The following POMGNT1 variants were observed in gnomAD, a reference collection of about 807,000 sequenced individuals.
The protein encoded by POMGNT1 is protein O-linked mannose N-acetylglucosaminyltransferase 1 (beta 1,2-).
POMGNT1 carries 67 observed loss-of-function variants against 95.6 expected under a neutral mutation model. The ratio of observed to expected loss-of-function variants is 0.70; its 90% CI spans 0.58 to 0.86. The LOEUF is 0.86. POMGNT1 is among the 40% of genes least tolerant of loss of function. The pLI is 0.00. For missense variants in POMGNT1, 719 were observed against 855.2 expected (o/e 0.84, Z 1.99); for synonymous variants, 298 against 317.9 (o/e 0.94, Z 0.66).
chr1:46,194,310 G>A lies in POMGNT1; in HGVS notation c.843C>T (p.Cys281=). ...KVEGYGSVCS[C]KDPTPIEFSP... ...TGAACTCGATGGGTGTGGGGTCCTT[G>A]CAGCTGCATACACTTCCATAGCCCT... Residue 281 remains cysteine (C), a synonymous_variant, in exon 9 of 22, where the codon TGC becomes TGT. Coordinates refer to ENST00000371984, the MANE Select transcript of POMGNT1 (RefSeq NM_017739.4). 2 of 1,614,212 alleles carry A rather than the reference G, an allele frequency of 1.2e-6. No homozygotes were observed. The highest frequency in any genetic ancestry group is 1.7e-6 in the Non-Finnish European group (2 of 1,180,048).
In POMGNT1 at chr1:46,192,315, G is replaced by A. The variant is rs769879467; in HGVS notation, c.1406C>T (p.Pro469Leu). 9.3e-6 allele frequency: 15 copies of A among 1,614,006 alleles called. No homozygotes were observed. Among genetic ancestry groups the A allele is most frequent in the South Asian group, 7.7e-5 (7 of 91,082 alleles). The change falls in exon 16 of 22, where the codon CCG becomes CTG. Residue 469 changes from proline (P) to leucine (L), a missense_variant. Pro to Leu is a moderately conservative substitution (Grantham distance 98). Coordinates refer to ENST00000371984, the MANE Select transcript of POMGNT1 (RefSeq NM_017739.4). ...CCCTACCCTGACAGTTACCTTTTCC[G>A]GTGTAGGCCACTTGGGCTCAAGCTC... ...KEELEPKWPT[P>L]EKLWDWDMWM...
At chr1:46,203,766 C>T in intron 1 of POMGNT1, 3 of 755,722 alleles carry the variant, frequency 4.0e-6, no homozygotes, top group Middle Eastern at 3.6e-4. Context: ...CAGATCAATC[C>T]GTAAACGCTG....
chr1:46,218,458 A>T (rs1659131249), intron 1 of POMGNT1, among the ~76,000 whole-genome samples: 1 of 152,272 alleles, frequency 6.6e-6, no homozygotes. Flanking sequence ...CCTTGGGTTC[A>T]CAGAGCAGAA....
At position 46,190,492 on chromosome 1, in the gene POMGNT1, C is replaced by T; in HGVS notation, c.1630G>A (p.Glu544Lys). The change falls in exon 19 of 22, where the codon GAA becomes AAA. Residue 544 changes from glutamate to lysine, a missense_variant. Physicochemically the swap from Glu to Lys is moderately conservative, Grantham distance 56. Transcript: ENST00000371984. ...DSLKKEAYEVEVHRLLSEAEV... is the reference protein window; with the variant it reads ...DSLKKEAYEVKVHRLLSEAEV... ...CCATACCTGAGCAGCCTGTGAACTT[C>T]CACTTCATAAGCTTCTTTCTTCAGA... 6.2e-7 allele frequency: 1 copy of T among 1,607,426 alleles called. No individual in the cohort carries two copies. Among genetic ancestry groups the T allele is most frequent in the Non-Finnish European group, 8.5e-7 (1 of 1,173,822 alleles).
At position 46,196,105 on chromosome 1, in the gene POMGNT1, C is replaced by A. The variant is rs777719680; in HGVS notation, c.355-28G>T. On this transcript the variant is annotated intron_variant, in intron 4 of 21. Transcript: ENST00000371984. The surrounding 1 kb of genome is among the most constrained non-coding windows in gnomAD (Gnocchi z 4.4). ...ACACAGTGGCAGAGACAAAGTCCAG[C>A]TTTTCACTCTGGCATTCAAGGTGTC... 1 of 1,613,658 alleles carries A rather than the reference C, an allele frequency of 6.2e-7. No individual in the cohort carries two copies. Among genetic ancestry groups the A allele is most frequent in the Non-Finnish European group, 8.5e-7 (1 of 1,180,018 alleles).
Position 46,188,838 on chromosome 1 carries a change from T to C in POMGNT1, c.*432A>G. On this transcript the variant is annotated 3_prime_UTR_variant, in exon 22 of 22. Coordinates refer to ENST00000371984, the MANE Select transcript of POMGNT1 (RefSeq NM_017739.4). ...GCCCCAGCTGGGCCTGTCCATGGGTTGGGCACAGCAGTTTCCTGAGTAAGA... is the reference window on the plus strand; with the variant it reads ...GCCCCAGCTGGGCCTGTCCATGGGTCGGGCACAGCAGTTTCCTGAGTAAGA... The C allele has an allele frequency of 6.2e-6, 10 of 1,612,926 alleles. No individual in the cohort carries two copies. The highest frequency in any genetic ancestry group is 7.6e-6 in the Non-Finnish European group (9 of 1,179,898).
intron 1 of POMGNT1, among the ~76,000 whole-genome samples, chr1:46,217,628 G>A (rs1429048021): frequency 6.6e-6 from 1 of 152,078 alleles, no homozygotes; most frequent in Admixed American, 6.6e-5. Context: ...AGTCCAAGGT[G>A]GGCAGATTAT....
Position 46,193,656 on chromosome 1 carries a change from T to TA in POMGNT1, c.951-18dup, listed in dbSNP as rs767215595. On this transcript the variant is annotated splice_polypyrimidine_tract_variant and intron_variant, in intron 10 of 21. Coordinates refer to ENST00000371984, the MANE Select transcript of POMGNT1 (RefSeq NM_017739.4). Reference sequence around the variant, plus strand: ...CGCAGCATCCTGGGGAGCCCAGGGATAGGTTAGGGTCACTTCATCACCCCT... The same window carrying TA: ...CGCAGCATCCTGGGGAGCCCAGGGATAAGGTTAGGGTCACTTCATCACCCCT... 3 of 1,614,006 alleles carry TA rather than the reference T, an allele frequency of 1.9e-6. No individual in the cohort carries two copies. In the South Asian group the frequency reaches 3.3e-5, roughly 18 times the overall value.
rs757068842 is a variant in POMGNT1 at position 46,194,407 on chromosome 1, G to C, written c.752-6C>G. ...TGCCCAGTGGCACTCTGCCTCTGAGGGAAGGATGCGGTTGTCATGGAGGCA... is the reference window on the plus strand; with the variant it reads ...TGCCCAGTGGCACTCTGCCTCTGAGCGAAGGATGCGGTTGTCATGGAGGCA... On this transcript the variant is annotated splice_polypyrimidine_tract_variant and splice_region_variant and intron_variant, in intron 8 of 21. Coordinates refer to ENST00000371984, the MANE Select transcript of POMGNT1 (RefSeq NM_017739.4). 2 of 1,614,218 alleles carry C rather than the reference G, an allele frequency of 1.2e-6. No homozygotes were observed. The highest frequency in any genetic ancestry group is 1.7e-6 in the Non-Finnish European group (2 of 1,180,024).
At chr1:46,213,258 T>C (rs1018919236) in intron 1 of POMGNT1, among the ~76,000 whole-genome samples, 6 of 151,076 alleles carry the variant, frequency 4.0e-5, no homozygotes, top group African/African-American at 1.5e-4. Context: ...ACACAGCATA[T>C]ACACAAATAT....
chr1:46,204,481 C>G (rs1208125866), intron 1 of POMGNT1, among the ~76,000 whole-genome samples: 1 of 152,174 alleles, frequency 6.6e-6, no homozygotes, highest in Non-Finnish European at 1.5e-5. Context: ...GAATTGCCAT[C>G]GGCTTCCTGG....
At chr1:46,194,801 A>G (rs1396846530) in intron 7 of POMGNT1, 43 bp downstream of exon 7, 1 of 1,613,546 alleles carries the variant, frequency 6.2e-7, no homozygotes, top group Non-Finnish European at 8.5e-7. Context: ...TGCTCCTCCC[A>G]GGCTCTTGAT....
At chr1:46,219,122 C>A (rs929184675) in intron 1 of POMGNT1, among the ~76,000 whole-genome samples, 5 of 151,942 alleles carry the variant, frequency 3.3e-5, no homozygotes, top group Non-Finnish European at 5.9e-5. Flanking sequence ...CATGGTGAAA[C>A]CTGTCTCTAC....
rs947076622 is a variant in POMGNT1, at chr1:46,191,993, A to G, written c.1539+105T>C. On this transcript the variant is annotated intron_variant, in intron 17 of 21. Transcript: ENST00000371984. ...CAAAAATAGGATAGCTCTTTCCCCA[A>G]GGTTACATGGCTAGCAAGTAGCAGA... 3 of 1,465,366 alleles carry G rather than the reference A, an allele frequency of 2.0e-6. No individual in the cohort carries two copies. The African/African-American group carries it at 4.2e-5, about 21-fold the overall frequency. The allele number at this position is 1,465,366 out of a possible 1,614,324, so 90.8% of individuals were successfully genotyped here. A position where few individuals can be genotyped will look rare whatever the true frequency, so the allele number is the denominator to read the frequency against.
intron 2 of POMGNT1, 33 bp downstream of exon 2, chr1:46,197,669 G>T (rs371116601): frequency 7.8e-5 from 126 of 1,613,352 alleles, no homozygotes; most frequent in Non-Finnish European, 9.7e-5. Flanking sequence ...GGGAGGGAGC[G>T]CTCGGTGGGG....
Position 46,194,855 on chromosome 1 carries a change from C to T in POMGNT1, c.641G>A (p.Gly214Glu). The change falls in exon 7 of 22, where the codon GGA (glycine) becomes GAA (glutamate). Residue 214 changes from glycine (G) to glutamate (E), a missense_variant. By Grantham distance (98) the Gly-to-Glu change is moderately conservative (BLOSUM62 -2). Around this residue, in one of 5 missense-constraint regions of POMGNT1, gnomAD observed 466 missense variants for 517.4 expected, o/e 0.90. Transcript: ENST00000371984. ...TCTGATGCCGGCACCTCCTTTTCGT[C>T]CCACGAAGGCCCATGTGTCCCTCCA... ...LGWRDTWAFV[G>E]RKGGPVFGEK... 1 of 1,614,196 alleles carries T rather than the reference C, an allele frequency of 6.2e-7. No homozygotes were observed.
rs754657039 is a variant in POMGNT1 at position 46,196,083 on chromosome 1, C to T, written c.355-6G>A. The T allele has an allele frequency of 2.5e-6, 4 of 1,613,974 alleles. No individual in the cohort carries two copies. In the South Asian group the frequency reaches 4.4e-5, roughly 18 times the overall value. On this transcript the variant is annotated splice_polypyrimidine_tract_variant and splice_region_variant and intron_variant, in intron 4 of 21. Transcript: ENST00000371984. This position sits in a 1 kb window ranked among gnomAD's most constrained non-coding sequence, Gnocchi z 4.4. ...CGGGCCTCATCCTCCAGCACCTACA[C>T]AGTGGCAGAGACAAAGTCCAGCTTT...
At position 46,189,170 on chromosome 1, in the gene POMGNT1, C is replaced by G; in HGVS notation, c.*100G>C. 1 of 1,526,100 alleles carries G rather than the reference C, an allele frequency of 6.6e-7. No individual in the cohort carries two copies. The highest frequency in any genetic ancestry group is 2.3e-5 in the Admixed American group (1 of 44,204). The allele number at this position is 1,526,100 out of a possible 1,614,324, so 94.5% of individuals were successfully genotyped here. On this transcript the variant is annotated 3_prime_UTR_variant, in exon 22 of 22. Transcript: ENST00000371984. Reference sequence around the variant, plus strand: ...TCTCATGTTAAAAACAAGGTAGCCCCAGCCCCTACCAGCATCTACAAAATC... The same window carrying G: ...TCTCATGTTAAAAACAAGGTAGCCCGAGCCCCTACCAGCATCTACAAAATC...
chr1:46,203,498 T>C (rs1459675627), intron 1 of POMGNT1: 42 of 1,553,926 alleles, frequency 2.7e-5, no homozygotes, highest in South Asian at 2.0e-4. Context: ...GGAAGACCCC[T>C]GAAGGGCTGC....
Sources: allele counts gnomAD v4.1 joint callset (sites outside exome capture counted in the v4.1 genomes callset), GRCh38; gene constraint gnomAD v4.1.1; regional missense constraint gnomAD v4.1.1; non-coding constraint Gnocchi (gnomAD v3.1); transcripts MANE v1.5; gene names NCBI Gene and HGNC (gene_info 2026-07-23, HGNC 2026-07-21).